The following UNC13C variants were observed in gnomAD, a reference collection of about 807,000 sequenced individuals.
UNC13C encodes unc-13 homolog C, also known as protein unc-13 homolog C.
UNC13C carries 174 observed loss-of-function variants against 245.4 expected under a neutral mutation model. The ratio of observed to expected loss-of-function variants is 0.71; its 90% CI spans 0.63 to 0.80. The LOEUF is 0.80. Among genes scored for constraint, UNC13C ranks in the 30% least tolerant of loss-of-function variants. The probability of loss-of-function intolerance (pLI) is 0.00; values close to 1 mark genes in which losing one functional copy is unlikely to be tolerated. For synonymous variants in UNC13C, 992 were observed against 895.1 expected, an observed-to-expected ratio of 1.11 and a Z score of -1.93; for missense variants, 2,829 against 2,602.9, an observed-to-expected ratio of 1.09 and a Z score of -1.89.
the UNC13C span, among the ~76,000 whole-genome samples, chr15:53,922,925 C>T: frequency 2.0e-5 from 3 of 152,210 alleles, no homozygotes; most frequent in East Asian, 1.9e-4. Context: ...TTACCAGAAG[C>T]GATTATTAAT....
chr15:54,053,823 C>A (rs1448054967), intron 2 of UNC13C, among the ~76,000 whole-genome samples: 3 of 152,134 alleles, frequency 2.0e-5, no homozygotes, highest in Non-Finnish European at 4.4e-5. Context: ...TAACCACCGT[C>A]TACTCTCTAT....
At chr15:53,869,680 A>G in the UNC13C span, among the ~76,000 whole-genome samples, 4 of 152,128 alleles carry the variant, frequency 2.6e-5, no homozygotes, top group Admixed American at 6.5e-5. Context: ...TAAGGGTCTG[A>G]GCCCCTCACA....
intron 28 of UNC13C, among the ~76,000 whole-genome samples, chr15:54,550,856 G>A (rs921599463): frequency 5.3e-5 from 8 of 152,114 alleles, no homozygotes; most frequent in Non-Finnish European, 7.3e-5. Context: ...TATACACTGC[G>A]GAAGTTTCTC....
At chr15:54,206,905 G>T (rs971672029) in intron 4 of UNC13C, among the ~76,000 whole-genome samples, 3 of 152,022 alleles carry the variant, frequency 2.0e-5, no homozygotes, top group African/African-American at 7.2e-5. Flanking sequence ...TATAACTTTG[G>T]CTTGTGTTTA....
chr15:53,853,871 T>G, the UNC13C span, among the ~76,000 whole-genome samples: 1 of 152,254 alleles, frequency 6.6e-6, no homozygotes, highest in Non-Finnish European at 1.5e-5. Context: ...TTTGTTTAAA[T>G]TCCTTGTAGA....
intron 4 of UNC13C, among the ~76,000 whole-genome samples, chr15:54,201,371 C>T (rs991474153): frequency 7.2e-5 from 11 of 151,832 alleles, no homozygotes; most frequent in African/African-American, 2.7e-4. Context: ...AAAAAGAAAA[C>T]TACAGACCAA....
intron 2 of UNC13C, among the ~76,000 whole-genome samples, chr15:54,074,998 G>C (rs1228665091): frequency 6.6e-6 from 1 of 152,080 alleles, no homozygotes; most frequent in East Asian, 1.9e-4. Flanking sequence ...TGGTGATGTA[G>C]GTTTTTAGTA....
At chr15:53,907,365 G>A in the UNC13C span, among the ~76,000 whole-genome samples, 8,558 of 152,150 alleles carry the variant, frequency 0.056, 854 homozygotes, top group African/African-American at 0.2. Context: ...CAAAAAGAAA[G>A]GATATATTTA....
chr15:53,972,444 T>C, the UNC13C span, among the ~76,000 whole-genome samples: 1 of 152,202 alleles, frequency 6.6e-6, no homozygotes, highest in Non-Finnish European at 1.5e-5. Context: ...TTGATACAAA[T>C]ATTTTAGACC....
chr15:54,576,501 C>G (rs1897961150), intron 30 of UNC13C, among the ~76,000 whole-genome samples: 2 of 152,330 alleles, frequency 1.3e-5, no homozygotes, highest in Non-Finnish European at 2.9e-5. Flanking sequence ...CCTCTGCTCC[C>G]CAGTTTCACT....
At chr15:54,408,229 A>AAC (rs2040347230) in intron 18 of UNC13C, among the ~76,000 whole-genome samples, 2 of 146,548 alleles carry the variant, frequency 1.4e-5, no homozygotes, top group African/African-American at 5.2e-5. Flanking sequence ...AAAAAAAAAA[A>AAC]CATGGGCAAG....
chr15:54,146,166 A>C (rs1273321920), intron 4 of UNC13C, among the ~76,000 whole-genome samples: 1 of 152,142 alleles, frequency 6.6e-6, no homozygotes, highest in East Asian at 1.9e-4. Flanking sequence ...ATATTTTAGA[A>C]TATATTTTTA....
At chr15:54,315,639 T>C (rs2037988662) in intron 13 of UNC13C, among the ~76,000 whole-genome samples, 1 of 151,708 alleles carries the variant, frequency 6.6e-6, no homozygotes, top group Admixed American at 6.6e-5. Context: ...TGATCCCAAA[T>C]CTAGGTGTTT....
intron 13 of UNC13C, chr15:54,320,916 C>T (rs945537634): frequency 1.2e-5 from 4 of 346,358 alleles, no homozygotes; most frequent in African/African-American, 6.5e-5. Context: ...GTAGCTTCCA[C>T]TACTTCCGAA....
At position 54,013,419 on chromosome 15, in the gene UNC13C, T is replaced by C; in HGVS notation, c.516T>C (p.Thr172=). Residue 172 remains threonine, a synonymous_variant, in exon 2 of 33, where the codon ACT becomes ACC. Transcript: ENST00000260323. ...AGGGCAGCTCTGACGGGGAGCGTAC[T>C]CTACATGGCTTAAAACTGGGAGCTT... ...PSEGSSDGER[T]LHGLKLGALR... 6.2e-7 allele frequency: 1 copy of C among 1,613,842 alleles called. No individual in the cohort carries two copies. Among genetic ancestry groups the C allele is most frequent in the South Asian group, 1.1e-5 (1 of 91,084 alleles).
At chr15:53,904,258 A>T in the UNC13C span, among the ~76,000 whole-genome samples, 2 of 152,168 alleles carry the variant, frequency 1.3e-5, no homozygotes, top group Non-Finnish European at 2.9e-5. Flanking sequence ...TTTAAGTAGC[A>T]TTTGAGGAAT....
At chr15:54,072,191 G>A (rs1462370203) in intron 2 of UNC13C, among the ~76,000 whole-genome samples, 1 of 152,194 alleles carries the variant, frequency 6.6e-6, no homozygotes, top group African/African-American at 2.4e-5. Context: ...GTACAGGGTA[G>A]TGAGCAGGGG....
chr15:54,522,415 T>G (rs1173018781), intron 24 of UNC13C, among the ~76,000 whole-genome samples: 1 of 151,444 alleles, frequency 6.6e-6, no homozygotes, highest in African/African-American at 2.4e-5. Context: ...GAGGTGGAGG[T>G]TGCAGTGAGC....
chr15:53,844,884 A>G, the UNC13C span, among the ~76,000 whole-genome samples: 20 of 152,268 alleles, frequency 1.3e-4, no homozygotes, highest in Middle Eastern at 3.4e-3. Context: ...GGACAAGGAG[A>G]GAGTGTTTGT....
Sources: gnomAD v4.1 joint callset for allele counts (sites outside exome capture counted in the v4.1 genomes callset) on GRCh38, gnomAD v4.1.1 for gene constraint, MANE v1.5 for transcripts, NCBI Gene and HGNC (gene_info 2026-07-23, HGNC 2026-07-21) for gene names.